MFHAS1: variants seen among roughly 807,000 people sequenced by gnomAD.
MFHAS1 encodes malignant fibrous histiocytoma-amplified sequence 1.
Under a neutral mutation model 70.4 loss-of-function variants are expected in MFHAS1, and 50 were observed. That is an observed-to-expected ratio of 0.71 (90% CI 0.57 to 0.90). The LOEUF is 0.90. MFHAS1 is among the 40% of genes least tolerant of loss of function. The pLI is 0.00. For synonymous variants in MFHAS1, 952 were observed against 620.0 expected, an observed-to-expected ratio of 1.54 and a Z score of -7.96; for missense variants, 1,795 against 1,347.6, an observed-to-expected ratio of 1.33 and a Z score of -5.20.
chr8:8,800,097 T>C (rs1468758007), intron 1 of MFHAS1, among the ~76,000 whole-genome samples: 2 of 152,226 alleles, frequency 1.3e-5, no homozygotes, highest in African/African-American at 4.8e-5. Flanking sequence ...CTTTCCTAAA[T>C]GAGCAATCTA....
At chr8:8,815,521 A>T (rs1437679500) in intron 1 of MFHAS1, among the ~76,000 whole-genome samples, 1 of 152,224 alleles carries the variant, frequency 6.6e-6, no homozygotes, top group Non-Finnish European at 1.5e-5. Flanking sequence ...CAGCTTCGCC[A>T]GCATCTGTTG....
At chr8:8,796,185 C>A (rs753577076) in intron 2 of MFHAS1, among the ~76,000 whole-genome samples, 45 of 152,284 alleles carry the variant, frequency 3.0e-4, no homozygotes, top group Non-Finnish European at 4.9e-4. Flanking sequence ...CTGAAAGTTA[C>A]TTGGCATGTG....
At chr8:8,815,710 T>C (rs2117292357) in intron 1 of MFHAS1, among the ~76,000 whole-genome samples, 1 of 152,280 alleles carries the variant, frequency 6.6e-6, no homozygotes, top group East Asian at 1.9e-4. Flanking sequence ...GCTGAGGATG[T>C]GGGGGAACTG....
intron 1 of MFHAS1, among the ~76,000 whole-genome samples, chr8:8,809,086 C>T (rs765090131): frequency 2.6e-5 from 4 of 152,114 alleles, no homozygotes; most frequent in Admixed American, 1.3e-4. Context: ...ATCTAGGTTG[C>T]GCGCTCCTTG....
intron 1 of MFHAS1, among the ~76,000 whole-genome samples, chr8:8,805,969 G>A (rs927193808): frequency 6.6e-6 from 1 of 152,152 alleles, no homozygotes; most frequent in Non-Finnish European, 1.5e-5. Flanking sequence ...CAAAGTGCTG[G>A]GATTACAGGC....
chr8:8,803,902 GCA>G (rs1806178975), intron 1 of MFHAS1, among the ~76,000 whole-genome samples: 1 of 152,098 alleles, frequency 6.6e-6, no homozygotes, highest in East Asian at 1.9e-4. Context: ...AATCCAGGAG[GCA>G]GAGGTTTCAG....
At chr8:8,817,238 G>A (rs1016290390) in intron 1 of MFHAS1, among the ~76,000 whole-genome samples, 2 of 150,926 alleles carry the variant, frequency 1.3e-5, no homozygotes, top group East Asian at 3.9e-4. Flanking sequence ...TCAGCTATGA[G>A]AAAATTTACC....
At chr8:8,842,852 C>T (rs532615193) in intron 1 of MFHAS1, among the ~76,000 whole-genome samples, 1 of 152,380 alleles carries the variant, frequency 6.6e-6, no homozygotes, top group South Asian at 2.1e-4. Flanking sequence ...AGGACGGATG[C>T]TCATAGTGCT....
At chr8:8,870,697 C>G (rs1748724934) in intron 1 of MFHAS1, among the ~76,000 whole-genome samples, 1 of 152,102 alleles carries the variant, frequency 6.6e-6, no homozygotes, top group African/African-American at 2.4e-5. Flanking sequence ...CTCCGAGCCC[C>G]TGGAGATCTT....
intron 1 of MFHAS1, among the ~76,000 whole-genome samples, chr8:8,839,249 T>G (rs1472809917): frequency 6.6e-6 from 1 of 151,606 alleles, no homozygotes; most frequent in Non-Finnish European, 1.5e-5. Context: ...AAAAATAAAG[T>G]TTTTTTTTCT....
chr8:8,866,104 T>A (rs878938735), intron 1 of MFHAS1, among the ~76,000 whole-genome samples: 3 of 152,168 alleles, frequency 2.0e-5, no homozygotes, highest in African/African-American at 7.2e-5. Flanking sequence ...AGTGCTTTTA[T>A]TATTCTCTTT....
At chr8:8,801,263 C>A (rs192437809) in intron 1 of MFHAS1, among the ~76,000 whole-genome samples, 202 of 152,208 alleles carry the variant, frequency 1.3e-3, no homozygotes, top group South Asian at 8.1e-3. Flanking sequence ...TATTAAGCCT[C>A]CATTATCAAC....
At chr8:8,881,068 T>C (rs1250285004) in intron 1 of MFHAS1, among the ~76,000 whole-genome samples, 1 of 152,166 alleles carries the variant, frequency 6.6e-6, no homozygotes, top group Non-Finnish European at 1.5e-5. Context: ...GCCTCTGTCT[T>C]CCTCTGCCCA....
At chr8:8,831,576 C>G (rs1200234380) in intron 1 of MFHAS1, among the ~76,000 whole-genome samples, 1 of 151,128 alleles carries the variant, frequency 6.6e-6, no homozygotes, top group Non-Finnish European at 1.5e-5. Context: ...ATCAATAGAA[C>G]AGAATAGAGT....
At chr8:8,888,757 A>C (rs1048710855) in intron 1 of MFHAS1, among the ~76,000 whole-genome samples, 1 of 152,212 alleles carries the variant, frequency 6.6e-6, no homozygotes. Flanking sequence ...ACTACTCTGT[A>C]TGATACTATA....
Position 8,892,001 on chromosome 8 carries a change from T to C in MFHAS1, c.1058A>G (p.Gln353Arg). The C allele has an allele frequency of 6.2e-7, 1 of 1,613,538 alleles. No individual in the cohort carries two copies. Among genetic ancestry groups the C allele is most frequent in the Non-Finnish European group, 8.5e-7 (1 of 1,179,960 alleles). ...GLEELVLQGNQIAVLPDHFGQ... is the reference protein window; with the variant it reads ...GLEELVLQGNRIAVLPDHFGQ... ...AAAGTGGTCGGGCAGCACCGCGATC[T>C]GGTTCCCCTGCAGCACGAGCTCCTC... Residue 353 changes from glutamine to arginine, a missense_variant, in exon 1 of 3, where the codon CAG becomes CGG. Physicochemically the swap from Gln to Arg is conservative, Grantham distance 43. Transcript: ENST00000276282. The surrounding 1 kb of genome is among the most constrained non-coding windows in gnomAD (Gnocchi z 4.7).
chr8:8,804,382 A>G (rs961678870), intron 1 of MFHAS1, among the ~76,000 whole-genome samples: 12 of 152,202 alleles, frequency 7.9e-5, no homozygotes, highest in African/African-American at 2.2e-4. Context: ...GAATGCTGAA[A>G]CTTCAATAAA....
At chr8:8,874,823 G>C (rs953398957) in intron 1 of MFHAS1, among the ~76,000 whole-genome samples, 4 of 148,410 alleles carry the variant, frequency 2.7e-5, no homozygotes, top group Admixed American at 6.7e-5. Context: ...GAACAAGCTA[G>C]AAAAAAATGC....
At chr8:8,859,495 A>G (rs1340603278) in intron 1 of MFHAS1, among the ~76,000 whole-genome samples, 2 of 152,192 alleles carry the variant, frequency 1.3e-5, no homozygotes, top group African/African-American at 2.4e-5. Flanking sequence ...GTGCTGGTCT[A>G]CTTATATGAC....
Sources: gnomAD v4.1 joint callset for allele counts (sites outside exome capture counted in the v4.1 genomes callset) on GRCh38, gnomAD v4.1.1 for gene constraint, Gnocchi (gnomAD v3.1) non-coding constraint, MANE v1.5 for transcripts, NCBI Gene and HGNC (gene_info 2026-07-23, HGNC 2026-07-21) for gene names.